CCDC73: variants seen among roughly 807,000 people sequenced by gnomAD.
The protein encoded by CCDC73 is coiled-coil domain-containing protein 73.
Under a neutral mutation model 116.5 loss-of-function variants are expected in CCDC73, and 95 were observed. The observed-to-expected ratio is 0.82, with a 90% CI of 0.69 to 0.97. CCDC73 has a LOEUF of 0.97. Ranked by LOEUF, CCDC73 falls within the 50% of genes least tolerant of loss-of-function variation. The pLI, the probability that CCDC73 is intolerant of heterozygous loss-of-function variation, is 0.00. For missense variants in CCDC73, 1,066 were observed against 1,206.8 expected (o/e 0.88, Z 1.73); for synonymous variants, 398 against 401.3 (o/e 0.99, Z 0.10).
chr11:32,681,416 A>G (rs934703327), intron 7 of CCDC73: 1 of 151,956 alleles, frequency 6.6e-6, no homozygotes, highest in Non-Finnish European at 1.5e-5. Context: ...ATTGGTAATG[A>G]TCGTGATTTT....
At chr11:32,818,301 C>G in the CCDC73 span, among the ~76,000 whole-genome samples, 5 of 152,212 alleles carry the variant, frequency 3.3e-5, no homozygotes, top group Admixed American at 6.5e-5. Context: ...ACTATGTTAG[C>G]TCAAATCCTG....
chr11:32,754,374 A>T (rs1490797220), intron 2 of CCDC73, among the ~76,000 whole-genome samples: 1 of 152,194 alleles, frequency 6.6e-6, no homozygotes, highest in African/African-American at 2.4e-5. Context: ...AGAGAGGCAA[A>T]TAGGAAGAAA....
chr11:32,742,707 GT>G (rs1187779090), intron 2 of CCDC73, among the ~76,000 whole-genome samples: 6 of 152,120 alleles, frequency 3.9e-5, no homozygotes, highest in African/African-American at 1.4e-4. Flanking sequence ...TGCTTTTCGT[GT>G]TTTAGACATA....
the CCDC73 span, among the ~76,000 whole-genome samples, chr11:32,819,444 T>C: frequency 6.7e-6 from 1 of 148,202 alleles, no homozygotes; most frequent in Non-Finnish European, 1.5e-5. Flanking sequence ...TGTGTAAAAA[T>C]ATGCTAATTA....
At chr11:32,647,961 C>T (rs1045088490) in intron 12 of CCDC73, among the ~76,000 whole-genome samples, 12 of 152,184 alleles carry the variant, frequency 7.9e-5, no homozygotes, top group African/African-American at 2.9e-4. Flanking sequence ...AACAACCAGC[C>T]CCCACTGGCA....
chr11:32,806,829 C>T, the CCDC73 span, among the ~76,000 whole-genome samples: 1 of 152,108 alleles, frequency 6.6e-6, no homozygotes, highest in Admixed American at 6.6e-5. Flanking sequence ...CTGACATGGG[C>T]CCCAGGCAGA....
chr11:32,638,235 T>C (rs1855699877), intron 13 of CCDC73, among the ~76,000 whole-genome samples: 1 of 152,218 alleles, frequency 6.6e-6, no homozygotes, highest in African/African-American at 2.4e-5. Flanking sequence ...CATACAGCCA[T>C]CCTCCATACT....
At chr11:32,781,310 T>C (rs1367836431) in intron 1 of CCDC73, among the ~76,000 whole-genome samples, 2 of 152,206 alleles carry the variant, frequency 1.3e-5, no homozygotes, top group Non-Finnish European at 2.9e-5. Context: ...GCATAAGCCT[T>C]AGAACAAACA....
chr11:32,657,367 C>T (rs1429673213), intron 9 of CCDC73, among the ~76,000 whole-genome samples: 2 of 152,144 alleles, frequency 1.3e-5, no homozygotes, highest in Non-Finnish European at 2.9e-5. Context: ...GGGCTCTATT[C>T]TTAGAAAAGC....
chr11:32,637,022 T>C lies in CCDC73; in HGVS notation c.1051-1192A>G, dbSNP rs570655412. Among the ~76,000 whole-genome samples, 19 of 139,330 alleles carry C rather than the reference T, an allele frequency of 1.4e-4. No homozygotes were observed. In the South Asian group the frequency reaches 1.4e-3, roughly 10 times the overall value. 91.4% of individuals were successfully genotyped at this position (139,330 alleles called of 152,430 possible). On this transcript the variant is annotated intron_variant, in intron 13 of 17. Coordinates refer to ENST00000335185, the MANE Select transcript of CCDC73 (RefSeq NM_001008391.4). ...CTGTTTCACTTTTTCTTTTTCTTTT[T>C]TTTTTTTTTTTTTTTGAGAAGGAGT...
intron 3 of CCDC73, among the ~76,000 whole-genome samples, chr11:32,707,711 C>T (rs1203136936): frequency 1.3e-5 from 2 of 151,460 alleles, no homozygotes. Flanking sequence ...ACATTATTTA[C>T]GGTATGATTA....
chr11:32,625,480 G>A (rs1405986182), intron 14 of CCDC73, among the ~76,000 whole-genome samples: 4 of 152,122 alleles, frequency 2.6e-5, no homozygotes, highest in Non-Finnish European at 5.9e-5. Context: ...GCCTGGTGGT[G>A]ACAAAATCTC....
At chr11:32,662,370 C>T (rs965220988) in intron 9 of CCDC73, among the ~76,000 whole-genome samples, 9 of 152,200 alleles carry the variant, frequency 5.9e-5, no homozygotes, top group East Asian at 1.9e-4. Context: ...TTTTAATGAT[C>T]GCCATTCTAA....
At chr11:32,617,551 G>C (rs939154372) in intron 14 of CCDC73, among the ~76,000 whole-genome samples, 4 of 152,166 alleles carry the variant, frequency 2.6e-5, no homozygotes, top group African/African-American at 9.7e-5. Context: ...GATACATCAG[G>C]AGAGTGCTGC....
At chr11:32,677,955 CAAAAA>C (rs34907847) in intron 7 of CCDC73, among the ~76,000 whole-genome samples, 2,825 of 64,272 alleles carry the variant, frequency 0.044, 43 homozygotes, top group Middle Eastern at 0.074. Flanking sequence ...GATTCCATCT[CAAAAA>C]AAAAAAAAAA....
intron 9 of CCDC73, among the ~76,000 whole-genome samples, chr11:32,669,314 GA>G (rs1856015003): frequency 6.6e-6 from 1 of 151,942 alleles, no homozygotes; most frequent in Admixed American, 6.5e-5. Context: ...ATGCTCAACT[GA>G]TTTTTTTAAT....
intron 2 of CCDC73, among the ~76,000 whole-genome samples, chr11:32,722,053 TG>T (rs1849994842): frequency 6.6e-6 from 1 of 152,192 alleles, no homozygotes; most frequent in Admixed American, 6.5e-5. Context: ...CAATGGCTTA[TG>T]GGAGTTAGCA....
At chr11:32,646,208 T>C (rs1855777646) in intron 12 of CCDC73, among the ~76,000 whole-genome samples, 1 of 152,220 alleles carries the variant, frequency 6.6e-6, no homozygotes, top group Non-Finnish European at 1.5e-5. Flanking sequence ...TTTCAGTTTT[T>C]TGGAGACATC....
At chr11:32,781,555 A>G (rs1850585015) in intron 1 of CCDC73, among the ~76,000 whole-genome samples, 1 of 152,154 alleles carries the variant, frequency 6.6e-6, no homozygotes, top group African/African-American at 2.4e-5. Context: ...TGTGTTTAAG[A>G]AGACCCACAG....
Sources: allele counts gnomAD v4.1 joint callset (sites outside exome capture counted in the v4.1 genomes callset), GRCh38; gene constraint gnomAD v4.1.1; transcripts MANE v1.5; gene names NCBI Gene and HGNC (gene_info 2026-07-23, HGNC 2026-07-21).